The following CAMK2D variants were observed in gnomAD, a reference collection of about 807,000 sequenced individuals.
CAMK2D encodes calcium/calmodulin dependent protein kinase II delta.
CAMK2D carries 37 observed loss-of-function variants against 84.0 expected under a neutral mutation model. The ratio of observed to expected loss-of-function variants is 0.44; its 90% CI spans 0.34 to 0.58. The LOEUF is 0.58. Among genes scored for constraint, CAMK2D ranks in the 20% least tolerant of loss-of-function variants. The pLI, the probability that CAMK2D is intolerant of heterozygous loss-of-function variation, is 0.02. For synonymous variants in CAMK2D, 202 were observed against 212.5 expected (o/e 0.95, Z 0.43); for missense variants, 448 against 652.5 (o/e 0.69, Z 3.41).
chr4:113,751,756 C>A (rs918689215), intron 2 of CAMK2D, among the ~76,000 whole-genome samples: 1 of 151,754 alleles, frequency 6.6e-6, no homozygotes, highest in African/African-American at 2.4e-5. Context: ...GGCGACAGAG[C>A]GAGACTCTGT....
intron 6 of CAMK2D, 90 bp downstream of exon 6, chr4:113,547,554 G>T (rs771850623): frequency 5.6e-5 from 38 of 683,958 alleles, no homozygotes; most frequent in Non-Finnish European, 8.7e-5. Flanking sequence ...CAACTTTATT[G>T]CTCATATTTT....
At chr4:113,480,054 C>T (rs1487727375) in intron 16 of CAMK2D, among the ~76,000 whole-genome samples, 12 of 152,134 alleles carry the variant, frequency 7.9e-5, no homozygotes, top group East Asian at 5.8e-4. Flanking sequence ...CTCTGCCTCC[C>T]GGGTTCCAGC....
chr4:113,480,437 T>C (rs908032639), intron 16 of CAMK2D, among the ~76,000 whole-genome samples: 2 of 152,094 alleles, frequency 1.3e-5, no homozygotes, highest in African/African-American at 4.8e-5. Context: ...TGCTATGATA[T>C]GAATGTATGC....
At chr4:113,489,381 T>C (rs1284628704) in intron 16 of CAMK2D, among the ~76,000 whole-genome samples, 1 of 100,876 alleles carries the variant, frequency 9.9e-6, no homozygotes, top group East Asian at 2.0e-4. Flanking sequence ...TGAGTGAGAA[T>C]ATGCGGTGTT....
chr4:113,568,960 C>T (rs916612310), intron 4 of CAMK2D, among the ~76,000 whole-genome samples: 22 of 152,024 alleles, frequency 1.4e-4, no homozygotes, highest in African/African-American at 5.1e-4. Context: ...TGTTAAGTTA[C>T]AGAAGTTCTT....
Position 113,475,336 on chromosome 4 carries a change from T to A in CAMK2D, c.1136-9732A>T, listed in dbSNP as rs62314978. ...TATCCCTTTGCTGGTTTTGAATAAC[T>A]AACAAACAAACAAACAAACAAAATT... is the stretch of plus-strand genomic sequence containing the variant. On this transcript the variant is annotated intron_variant, in intron 16 of 20. Transcript: ENST00000511664. Among the ~76,000 whole-genome samples the A allele has an allele frequency of 7.0e-4, 15 of 21,578 alleles. No individual in the cohort carries two copies. In the African/African-American group the frequency reaches 0.01, roughly 15 times the overall value. The allele number at this position is 21,578 out of a possible 152,430, so 14.2% of individuals were successfully genotyped here.
chr4:113,618,774 G>A (rs1414435821), intron 3 of CAMK2D, among the ~76,000 whole-genome samples: 1 of 152,060 alleles, frequency 6.6e-6, no homozygotes, highest in Non-Finnish European at 1.5e-5. Context: ...GAAAAACATG[G>A]GAGTTATTTA....
At position 113,455,800 on chromosome 4, in the gene CAMK2D, C is replaced by T; in HGVS notation, c.1557G>A (p.Gly519=). ...AGGTGCCTCCTGAGAAGTTTTCTTT[C>T]CCATTTGGAATACAGGGTGGCCTAT... The part of the protein sequence containing the change: ...VPIKPPCIPN[G]KENFSGGTSL... Residue 519 remains glycine, a synonymous_variant, in exon 20 of 21, where the codon GGG becomes GGA. Transcript: ENST00000511664. The T allele has an allele frequency of 1.2e-6, 2 of 1,611,396 alleles. No individual in the cohort carries two copies. Among genetic ancestry groups the T allele is most frequent in the Non-Finnish European group, 1.7e-6 (2 of 1,177,836 alleles).
At chr4:113,656,762 A>AAG (rs2099202481) in intron 3 of CAMK2D, among the ~76,000 whole-genome samples, 1 of 152,196 alleles carries the variant, frequency 6.6e-6, no homozygotes, top group East Asian at 1.9e-4. Flanking sequence ...CCTGTCATTT[A>AAG]GATATCAGTT....
At chr4:113,603,670 T>C (rs1050392342) in intron 4 of CAMK2D, among the ~76,000 whole-genome samples, 7 of 149,636 alleles carry the variant, frequency 4.7e-5, no homozygotes, top group Admixed American at 2.0e-4. Flanking sequence ...AATAAAAATA[T>C]ATAAATTTAA....
At chr4:113,503,406 T>A (rs894689461) in intron 14 of CAMK2D, 1 of 431,378 alleles carries the variant, frequency 2.3e-6, no homozygotes, top group Non-Finnish European at 4.5e-6. Context: ...TTTTCAGTTA[T>A]ATTGGTTTGA....
intron 3 of CAMK2D, among the ~76,000 whole-genome samples, chr4:113,613,007 G>A (rs1314257770): frequency 6.6e-6 from 1 of 151,746 alleles, no homozygotes; most frequent in African/African-American, 2.4e-5. Flanking sequence ...ATAAAGAAGG[G>A]GTCAAATAGA....
intron 6 of CAMK2D, among the ~76,000 whole-genome samples, chr4:113,547,311 T>G (rs946778829): frequency 6.6e-6 from 1 of 152,250 alleles, no homozygotes; most frequent in African/African-American, 2.4e-5. Flanking sequence ...GTTTGATCAA[T>G]GTACACAGAA....
At chr4:113,721,390 C>T (rs542056502) in intron 2 of CAMK2D, among the ~76,000 whole-genome samples, 1 of 152,262 alleles carries the variant, frequency 6.6e-6, no homozygotes, top group Admixed American at 6.5e-5. Context: ...CCTATTCCTA[C>T]CCTAAAAGGC....
chr4:113,757,144 G>A (rs1361140763), intron 2 of CAMK2D, among the ~76,000 whole-genome samples: 1 of 152,112 alleles, frequency 6.6e-6, no homozygotes, highest in Non-Finnish European at 1.5e-5. Flanking sequence ...TTATGCCTAA[G>A]TAGTAGAGCA....
intron 20 of CAMK2D, among the ~76,000 whole-genome samples, chr4:113,455,329 G>A (rs1222052366): frequency 2.6e-5 from 4 of 152,140 alleles, no homozygotes; most frequent in African/African-American, 7.2e-5. Context: ...ATAGCCAGCT[G>A]CTTACAGAAC....
chr4:113,676,046 T>G (rs1405204849), intron 2 of CAMK2D, among the ~76,000 whole-genome samples: 4 of 152,174 alleles, frequency 2.6e-5, no homozygotes, highest in African/African-American at 9.7e-5. Context: ...TTTATCTCTA[T>G]CATACAAACC....
chr4:113,526,960 A>G (rs2098423070), intron 8 of CAMK2D, among the ~76,000 whole-genome samples: 1 of 150,048 alleles, frequency 6.7e-6, no homozygotes. Flanking sequence ...TTACACACTG[A>G]AGGTTTATGA....
chr4:113,691,305 T>C (rs2099386348), intron 2 of CAMK2D, among the ~76,000 whole-genome samples: 1 of 152,218 alleles, frequency 6.6e-6, no homozygotes, highest in African/African-American at 2.4e-5. Context: ...AACATGAAGG[T>C]ATATACTTTA....
Sources: allele counts gnomAD v4.1 joint callset (sites outside exome capture counted in the v4.1 genomes callset), GRCh38; gene constraint gnomAD v4.1.1; transcripts MANE v1.5; gene names NCBI Gene and HGNC (gene_info 2026-07-23, HGNC 2026-07-21).